ZNF536: variants seen among roughly 807,000 people sequenced by gnomAD.
ZNF536 encodes the protein zinc finger protein 536.
A neutral mutation model predicts 84.5 loss-of-function variants in ZNF536; 13 were observed. The observed-to-expected ratio is 0.15, with a 90% CI of 0.10 to 0.24. The LOEUF (loss-of-function observed/expected upper bound fraction) is 0.24. ZNF536 is among the 10% of genes least tolerant of loss of function. ZNF536 has a pLI of 1.00. For synonymous variants in ZNF536, 811 were observed against 742.5 expected, an observed-to-expected ratio of 1.09 and a Z score of -1.50; for missense variants, 1,536 against 1,747.5, an observed-to-expected ratio of 0.88 and a Z score of 2.16.
At chr19:30,641,031 A>C (rs531895074) in intron 1 of ZNF536, among the ~76,000 whole-genome samples, 62 of 152,360 alleles carry the variant, frequency 4.1e-4, no homozygotes, top group African/African-American at 1.5e-3. Context: ...AGTACCGCTT[A>C]GTTATCTCTG....
At chr19:30,250,737 G>C (rs148310540) in intron 1 of ZNF536, among the ~76,000 whole-genome samples, 1 of 151,928 alleles carries the variant, frequency 6.6e-6, no homozygotes, top group African/African-American at 2.4e-5. Context: ...TTCCTCTTCT[G>C]TCTATACCAC....
intron 1 of ZNF536, among the ~76,000 whole-genome samples, chr19:30,684,826 T>C (rs895629570): frequency 1.7e-4 from 26 of 152,194 alleles, no homozygotes; most frequent in African/African-American, 5.8e-4. Flanking sequence ...GGTCGGGACC[T>C]GATCCCGGGC....
At chr19:30,289,025 G>C (rs1012719906) in intron 2 of ZNF536, among the ~76,000 whole-genome samples, 1 of 152,202 alleles carries the variant, frequency 6.6e-6, no homozygotes, top group African/African-American at 2.4e-5. Context: ...AAAGGGTGGT[G>C]AGTTTCCTAA....
At chr19:30,477,006 C>T (rs907150676) in intron 2 of ZNF536, among the ~76,000 whole-genome samples, 1 of 151,892 alleles carries the variant, frequency 6.6e-6, no homozygotes, top group Non-Finnish European at 1.5e-5. Context: ...CCAGGCTGTA[C>T]TGAAACTCCT....
At chr19:30,455,481 C>T (rs181952937) in intron 2 of ZNF536, among the ~76,000 whole-genome samples, 3 of 152,216 alleles carry the variant, frequency 2.0e-5, no homozygotes, top group African/African-American at 7.2e-5. Flanking sequence ...GTGGGCAGAT[C>T]ACTTGAACCC....
intron 1 of ZNF536, among the ~76,000 whole-genome samples, chr19:30,704,116 T>C (rs982742631): frequency 6.6e-6 from 1 of 152,162 alleles, no homozygotes; most frequent in Non-Finnish European, 1.5e-5. Flanking sequence ...AAGTTCAACT[T>C]GGGAGAGGCT....
intron 1 of ZNF536, among the ~76,000 whole-genome samples, chr19:30,431,621 A>C (rs1171804467): frequency 1.3e-5 from 2 of 152,232 alleles, no homozygotes; most frequent in Admixed American, 6.5e-5. Flanking sequence ...GGCCTCTGTG[A>C]AATGAAAATA....
At chr19:30,521,214 G>A (rs1185598270) in intron 2 of ZNF536, among the ~76,000 whole-genome samples, 2 of 152,268 alleles carry the variant, frequency 1.3e-5, no homozygotes, top group African/African-American at 2.4e-5. Flanking sequence ...AGGCAAGCCT[G>A]TTCAGGCAGC....
At chr19:30,538,595 C>G (rs1013783999) in intron 3 of ZNF536, among the ~76,000 whole-genome samples, 1 of 152,138 alleles carries the variant, frequency 6.6e-6, no homozygotes, top group Admixed American at 6.5e-5. Flanking sequence ...TCTGATGCAC[C>G]CTAAGCTTCA....
At chr19:30,567,349 G>A (rs1031307324) in intron 1 of ZNF536, among the ~76,000 whole-genome samples, 1 of 152,124 alleles carries the variant, frequency 6.6e-6, no homozygotes, top group Non-Finnish European at 1.5e-5. Flanking sequence ...TGACCAGAGT[G>A]GCTTTGAACC....
intron 2 of ZNF536, among the ~76,000 whole-genome samples, chr19:30,492,845 A>G (rs543125133): frequency 1.4e-4 from 22 of 152,290 alleles, no homozygotes; most frequent in Non-Finnish European, 2.4e-4. Context: ...AGCCAGCCCT[A>G]TCAGGACCAG....
chr19:30,618,032 T>C (rs2048364154), intron 1 of ZNF536, among the ~76,000 whole-genome samples: 1 of 152,264 alleles, frequency 6.6e-6, no homozygotes, highest in Non-Finnish European at 1.5e-5. Flanking sequence ...TACATTGTGC[T>C]GTTTATTTCT....
chr19:30,390,511 C>T (rs1054679684), intron 1 of ZNF536, among the ~76,000 whole-genome samples: 8 of 152,204 alleles, frequency 5.3e-5, no homozygotes, highest in Non-Finnish European at 1.0e-4. Flanking sequence ...ACAGGCTCCC[C>T]AGCCCCTATG....
In ZNF536 at chr19:30,703,913, G is replaced by C. The variant is rs186356558; in HGVS notation, c.170-6844G>C. ...TCTAGTGGTTGCCCAAGGTCAGAGA[G>C]AGAGAAGATTGAAGTTCAGGGTGCT... On this transcript the variant is annotated intron_variant, in intron 1 of 1. Coordinates refer to the ZNF536 transcript ENST00000592773. 3.6e-4 allele frequency among the ~76,000 whole-genome samples: 55 copies of C among 152,352 alleles called. 1 individual carries two copies. The East Asian group carries it at 8.3e-3, about 23-fold the overall frequency.
At chr19:30,654,259 C>A (rs1437737082) in intron 1 of ZNF536, among the ~76,000 whole-genome samples, 1 of 152,180 alleles carries the variant, frequency 6.6e-6, no homozygotes, top group Non-Finnish European at 1.5e-5. Context: ...ACAGGTGTGA[C>A]CGCCCGGCAT....
intron 1 of ZNF536, among the ~76,000 whole-genome samples, chr19:30,577,856 T>C (rs1186311584): frequency 6.6e-6 from 1 of 152,220 alleles, no homozygotes; most frequent in Non-Finnish European, 1.5e-5. Context: ...TCTTTTCAAA[T>C]GCACTACTTT....
At chr19:30,560,027 C>CT (rs1465296526), downstream of ZNF536, among the ~76,000 whole-genome samples, 4 of 152,084 alleles carry the variant, frequency 2.6e-5, no homozygotes, top group African/African-American at 9.7e-5. Context: ...ACGCCGTACA[C>CT]TCCCCCTGCT....
intron 1 of ZNF536, among the ~76,000 whole-genome samples, chr19:30,564,297 TAA>T (rs1238588550): frequency 6.7e-6 from 1 of 149,304 alleles, no homozygotes; most frequent in Non-Finnish European, 1.5e-5. Context: ...GAGCAAGATC[TAA>T]AAAAAAGAAA....
At chr19:30,436,078 G>T (rs1042154631) in intron 1 of ZNF536, among the ~76,000 whole-genome samples, 1 of 152,070 alleles carries the variant, frequency 6.6e-6, no homozygotes, top group African/African-American at 2.4e-5. Context: ...GGCTCCATGG[G>T]ACCACATATT....
Sources: gnomAD v4.1 joint callset for allele counts (sites outside exome capture counted in the v4.1 genomes callset) on GRCh38, gnomAD v4.1.1 for gene constraint, MANE v1.5 for transcripts, NCBI Gene and HGNC (gene_info 2026-07-23, HGNC 2026-07-21) for gene names.